PPEF2: variants seen among roughly 807,000 people sequenced by gnomAD.
PPEF2 encodes the protein serine/threonine-protein phosphatase with EF-hands 2.
In PPEF2, 84 loss-of-function variants were observed where a neutral mutation model predicts 84.7. The observed-to-expected ratio is 0.99, with a 90% CI of 0.83 to 1.19. PPEF2 has a LOEUF of 1.19. Among genes scored for constraint, PPEF2 ranks in the 50% most tolerant of loss-of-function variants. The pLI is 0.00. For synonymous variants in PPEF2, 346 were observed against 345.2 expected (o/e 1.00, Z -0.03); for missense variants, 924 against 937.5 (o/e 0.99, Z 0.19).
At chr4:75,896,971 G>A (rs952315732) in intron 1 of PPEF2, among the ~76,000 whole-genome samples, 8 of 151,832 alleles carry the variant, frequency 5.3e-5, no homozygotes, top group Non-Finnish European at 1.0e-4. Context: ...TGCGAGCTCC[G>A]CCTCCTGGGT....
chr4:75,866,834 T>C (rs761761794), intron 14 of PPEF2, among the ~76,000 whole-genome samples: 5 of 152,252 alleles, frequency 3.3e-5, no homozygotes, highest in Non-Finnish European at 7.3e-5. Context: ...CGTGAAAAGA[T>C]ATTACTATGA....
Position 75,864,624 on chromosome 4 carries a change from G to GA in PPEF2, c.1921-98dup, listed in dbSNP as rs535458732. On this transcript the variant is annotated intron_variant, in intron 15 of 16. Transcript: ENST00000286719. ...TCAACCCTGACAATCACACATTCTT[G>GA]AAAAAACCTGAAAATATTTTGCCAT... 1,581 of 925,710 alleles carry GA rather than the reference G, an allele frequency of 1.7e-3. 17 individuals are homozygous for GA. The highest frequency in any genetic ancestry group is 0.014 in the African/African-American group (869 of 61,026). The allele number at this position is 925,710 out of a possible 1,614,324, so 57.3% of individuals were successfully genotyped here.
intron 1 of PPEF2, among the ~76,000 whole-genome samples, chr4:75,897,128 C>T (rs1394264614): frequency 6.6e-6 from 1 of 152,246 alleles, no homozygotes; most frequent in South Asian, 2.1e-4. Context: ...GCTGGGATTA[C>T]AGGCGTGAGC....
intron 13 of PPEF2, among the ~76,000 whole-genome samples, chr4:75,868,869 C>T (rs1233070707): frequency 6.6e-6 from 1 of 152,092 alleles, no homozygotes; most frequent in Non-Finnish European, 1.5e-5. Context: ...ATTAGCCAGG[C>T]ATGGTGGTGC....
Position 75,884,719 on chromosome 4 carries a change from A to G in PPEF2, c.621T>C (p.Gly207=), listed in dbSNP as rs547098400. The G allele has an allele frequency of 6.2e-7, 1 of 1,610,686 alleles. No individual in the cohort carries two copies. Among genetic ancestry groups the G allele is most frequent in the East Asian group, 2.2e-5 (1 of 44,864 alleles). ...PSPERSYVFN[G]DFVDRGKDSV... ...AATCCTTGCCTCGATCCACAAAGTC[A>G]CCGTTGAACACATATGACCGTTCTG... The change falls in exon 8 of 17, where the codon GGT becomes GGC. Residue 207 remains glycine, a synonymous_variant. Transcript: ENST00000286719.
chr4:75,897,666 T>G (rs931099559), intron 1 of PPEF2, among the ~76,000 whole-genome samples: 9 of 152,072 alleles, frequency 5.9e-5, no homozygotes, highest in African/African-American at 2.2e-4. Flanking sequence ...TCCCAGCTAC[T>G]TGGGAGGCTG....
intron 11 of PPEF2, 44 bp downstream of exon 11, chr4:75,876,243 T>G (rs771186748): frequency 6.5e-7 from 1 of 1,538,968 alleles, no homozygotes; most frequent in African/African-American, 1.4e-5. Context: ...AGTTTTGACC[T>G]GTTGGCAGCC....
chr4:75,883,444 TATTA>T (rs975397852), intron 8 of PPEF2: 22 of 535,928 alleles, frequency 4.1e-5, no homozygotes, highest in African/African-American at 4.0e-4. Flanking sequence ...CATGAATCTC[TATTA>T]TTTATATGAT....
At chr4:75,877,332 C>T (rs1241416838) in intron 10 of PPEF2, among the ~76,000 whole-genome samples, 1 of 141,272 alleles carries the variant, frequency 7.1e-6, no homozygotes, top group African/African-American at 2.6e-5. Context: ...AGTGAAACTC[C>T]ATCTCAAAAA....
chr4:75,878,886 C>A (rs1413477926), intron 10 of PPEF2, among the ~76,000 whole-genome samples: 7 of 152,172 alleles, frequency 4.6e-5, no homozygotes, highest in Non-Finnish European at 1.0e-4. Context: ...CCAAGCAATT[C>A]ATATCGACTC....
intron 11 of PPEF2, among the ~76,000 whole-genome samples, chr4:75,875,638 C>T (rs190009205): frequency 5.3e-5 from 8 of 152,188 alleles, no homozygotes; most frequent in East Asian, 1.9e-4. Context: ...ACAAAACAAG[C>T]TCACAATAAT....
At chr4:75,864,712 C>A (rs1444167483) in intron 15 of PPEF2, among the ~76,000 whole-genome samples, 185 bp from the exon 16 acceptor site, 3 of 152,042 alleles carry the variant, frequency 2.0e-5, no homozygotes, top group Non-Finnish European at 4.4e-5. Context: ...AAGCACCTCA[C>A]CCATGATGAA....
Position 75,889,947 on chromosome 4 carries a change from G to C in PPEF2, c.417+10C>G. On this transcript the variant is annotated intron_variant, in intron 5 of 16. Coordinates refer to ENST00000286719, the MANE Select transcript of PPEF2 (RefSeq NM_006239.3). ...GTTGGTAGTGACCCAGGTTCCCCAG[G>C]TGAGCTTACTTGTTTCAGTCTGAAT... 6.2e-7 allele frequency: 1 copy of C among 1,613,948 alleles called. No individual in the cohort carries two copies. Among genetic ancestry groups the C allele is most frequent in the East Asian group, 2.2e-5 (1 of 44,886 alleles).
chr4:75,898,732 T>C (rs982315200), intron 1 of PPEF2, among the ~76,000 whole-genome samples: 1 of 152,226 alleles, frequency 6.6e-6, no homozygotes, highest in African/African-American at 2.4e-5. Context: ...TATTTTTTGC[T>C]GACACATAAT....
At chr4:75,884,891 C>T in intron 7 of PPEF2, 131 bp from the exon 8 acceptor site, 2 of 738,296 alleles carry the variant, frequency 2.7e-6, no homozygotes, top group Admixed American at 2.9e-5. Context: ...CTCCTCCAAG[C>T]CTGAAATGTC....
Position 75,882,909 on chromosome 4 carries a change from AT to A in PPEF2, c.933+16del. The A allele has an allele frequency of 6.3e-7, 1 of 1,596,330 alleles. No individual in the cohort carries two copies. Among genetic ancestry groups the A allele is most frequent in the Non-Finnish European group, 8.5e-7 (1 of 1,171,754 alleles). On this transcript the variant is annotated intron_variant, in intron 10 of 16. Coordinates refer to ENST00000286719, the MANE Select transcript of PPEF2 (RefSeq NM_006239.3). ...TGGGCATTATGGTGAAATTTGTATTATTTCATTAACCACTACCTTGCTCCTC... is the reference window on the plus strand; with the variant it reads ...TGGGCATTATGGTGAAATTTGTATTATTCATTAACCACTACCTTGCTCCTC...
chr4:75,867,286 G>T, intron 14 of PPEF2, 27 bp downstream of exon 14: 1 of 1,561,838 alleles, frequency 6.4e-7, no homozygotes, highest in Non-Finnish European at 8.8e-7. Context: ...TCCTTCCTCT[G>T]TGAATCTTTA....
intron 13 of PPEF2, among the ~76,000 whole-genome samples, chr4:75,867,835 T>C (rs1248877446): frequency 1.3e-5 from 2 of 152,228 alleles, no homozygotes; most frequent in Admixed American, 1.3e-4. Flanking sequence ...TAGTATCTAT[T>C]ATCACAACTG....
chr4:75,896,416 G>T, intron 1 of PPEF2, 33 bp from the exon 2 acceptor site: 1 of 1,394,496 alleles, frequency 7.2e-7, no homozygotes, highest in Non-Finnish European at 1.0e-6. Flanking sequence ...TGTAATAGGA[G>T]ATGCAGGCAG....
Sources: gnomAD v4.1 joint callset for allele counts (sites outside exome capture counted in the v4.1 genomes callset) on GRCh38, gnomAD v4.1.1 for gene constraint, MANE v1.5 for transcripts, NCBI Gene and HGNC (gene_info 2026-07-23, HGNC 2026-07-21) for gene names.